The following ELP6 variants were observed in gnomAD, a reference collection of about 807,000 sequenced individuals.
ELP6 encodes elongator acetyltransferase complex subunit 6.
A neutral mutation model predicts 28.1 loss-of-function variants in ELP6; 23 were observed. The observed-to-expected ratio is 0.82, with a 90% CI of 0.59 to 1.16. The LOEUF (loss-of-function observed/expected upper bound fraction) is 1.16. Ranked by LOEUF, ELP6 falls within the 50% of genes most tolerant of loss-of-function variation. ELP6 has a pLI of 0.00. For missense variants in ELP6, 313 were observed against 334.6 expected, an observed-to-expected ratio of 0.94 and a Z score of 0.50; for synonymous variants, 132 against 135.8, an observed-to-expected ratio of 0.97 and a Z score of 0.19.
intron 1 of ELP6, 114 bp from the exon 2 acceptor site, chr3:47,511,340 T>C: frequency 6.9e-7 from 1 of 1,457,658 alleles, no homozygotes. Flanking sequence ...AGAGTTTATT[T>C]TTTTAATGAC....
At chr3:47,508,624 C>T (rs992444139) in intron 3 of ELP6, among the ~76,000 whole-genome samples, 7 of 152,144 alleles carry the variant, frequency 4.6e-5, no homozygotes, top group African/African-American at 1.7e-4. Context: ...AGCTGATTTT[C>T]AAATGTTGAA....
chr3:47,512,741 G>C (rs1709050550), intron 1 of ELP6: 1 of 963,020 alleles, frequency 1.0e-6, no homozygotes. Flanking sequence ...TTCTATTAGA[G>C]ATCACAAGGA....
chr3:47,497,417 ACCTCCGCCT>A (rs1004351161), intron 6 of ELP6: 1 of 855,388 alleles, frequency 1.2e-6, no homozygotes, highest in African/African-American at 1.8e-5. Context: ...GCTCACTGCA[ACCTCCGCCT>A]CCTGGGTTCA....
At chr3:47,511,321 T>C in intron 1 of ELP6, 95 bp from the exon 2 acceptor site, 1 of 1,498,262 alleles carries the variant, frequency 6.7e-7, no homozygotes, top group Admixed American at 2.1e-5. Context: ...CCTTAATTTC[T>C]CCACCTGAAG....
At chr3:47,511,337 A>AT (rs1304190707) in intron 1 of ELP6, 111 bp from the exon 2 acceptor site, 9 of 1,456,644 alleles carry the variant, frequency 6.2e-6, no homozygotes, top group Middle Eastern at 1.8e-4. Context: ...TGAAGAGTTT[A>AT]TTTTTTTAAT....
chr3:47,495,813 A>G lies in ELP6; in HGVS notation c.*256T>C. The G allele has an allele frequency of 2.1e-6, 1 of 466,102 alleles. No homozygotes were observed. The highest frequency in any genetic ancestry group is 2.5e-5 in the South Asian group (1 of 39,616). 28.9% of individuals were successfully genotyped at this position (466,102 alleles called of 1,614,324 possible). On this transcript the variant is annotated 3_prime_UTR_variant, in exon 7 of 7. Transcript: ENST00000296149. ...AGGCATATTTAAACAAAGGCTCCAA[A>G]GGACCCCTTTCACTTGGGTCTAGCA...
At chr3:47,500,939 G>C (rs960168026) in intron 5 of ELP6, among the ~76,000 whole-genome samples, 41 of 152,300 alleles carry the variant, frequency 2.7e-4, no homozygotes, top group Non-Finnish European at 5.1e-4. Flanking sequence ...ACACTGACAA[G>C]TGGCTACTGT....
At position 47,511,234 on chromosome 3, in the gene ELP6, T is replaced by C. The variant is rs1353718840; in HGVS notation, c.55-8A>G. On this transcript the variant is annotated splice_polypyrimidine_tract_variant and splice_region_variant and intron_variant, in intron 1 of 6. Transcript: ENST00000296149. ...GAGTAGAGTCAGTTTCCCCTAAAAG[T>C]TACAAGGAACACAAAAAGGTTAGAC... 6.2e-7 allele frequency: 1 copy of C among 1,613,648 alleles called. No individual in the cohort carries two copies. The highest frequency in any genetic ancestry group is 2.2e-5 in the East Asian group (1 of 44,882).
chr3:47,499,822 CA>C (rs1463300414), intron 5 of ELP6: 14 of 1,151,908 alleles, frequency 1.2e-5, no homozygotes, highest in Non-Finnish European at 1.5e-5. Flanking sequence ...GCTGTGGCCC[CA>C]GCTGGACTGC....
At chr3:47,500,045 T>C (rs994870469) in intron 5 of ELP6, 2 of 1,282,758 alleles carry the variant, frequency 1.6e-6, no homozygotes, top group African/African-American at 1.6e-5. Context: ...ATCCATGCTT[T>C]TGAGCAGAAA....
In ELP6 at chr3:47,498,408, C is replaced by T. The variant is rs757685072; in HGVS notation, c.550G>A (p.Asp184Asn). 6.8e-6 allele frequency: 11 copies of T among 1,613,028 alleles called. No homozygotes were observed. The highest frequency in any genetic ancestry group is 6.7e-5 in the Admixed American group (4 of 59,986). The change falls in exon 6 of 7, where the codon GAC becomes AAC. Residue 184 changes from aspartate to asparagine, a missense_variant. By Grantham distance (23) the Asp-to-Asn change is conservative (BLOSUM62 1). Coordinates refer to ENST00000296149, the MANE Select transcript of ELP6 (RefSeq NM_001031703.3). ...TCCTCATCCTCCGCATCTCCACTGT[C>T]GTGCACAAGGACCACCATGTTTCCC... ...LKGNMVVLVHDSGDAEDEEND... is the reference protein window; with the variant it reads ...LKGNMVVLVHNSGDAEDEEND...
At chr3:47,512,796 G>T in intron 1 of ELP6, 1 of 935,112 alleles carries the variant, frequency 1.1e-6, no homozygotes. Flanking sequence ...TGTGCCAATT[G>T]CTCCGGGGCG....
intron 3 of ELP6, among the ~76,000 whole-genome samples, chr3:47,508,088 T>C (rs1250611299): frequency 6.6e-6 from 1 of 152,230 alleles, no homozygotes; most frequent in African/African-American, 2.4e-5. Context: ...CCTGCCCCGA[T>C]GTCTAACACA....
chr3:47,501,566 G>A, intron 5 of ELP6, 84 bp downstream of exon 5: 1 of 1,389,898 alleles, frequency 7.2e-7, no homozygotes, highest in Non-Finnish European at 1.0e-6. Context: ...CAAATAAAAA[G>A]ATCACAGCAA....
At chr3:47,512,041 GC>G in intron 1 of ELP6, 1 of 985,368 alleles carries the variant, frequency 1.0e-6, no homozygotes, top group Non-Finnish European at 1.2e-6. Flanking sequence ...CTTTCACCTG[GC>G]CCTAGGCTGA....
At chr3:47,507,458 G>C (rs1019111703) in intron 3 of ELP6, among the ~76,000 whole-genome samples, 1 of 151,428 alleles carries the variant, frequency 6.6e-6, no homozygotes, top group African/African-American at 2.4e-5. Context: ...CAGGAATGGT[G>C]ATACATTCTA....
intron 5 of ELP6, chr3:47,500,015 C>T: frequency 7.7e-7 from 1 of 1,301,482 alleles, no homozygotes; most frequent in Non-Finnish European, 1.0e-6. Context: ...AAATATGTGG[C>T]TAGCTGGAGG....
Position 47,496,032 on chromosome 3 carries a change from AAC to A in ELP6, c.*35_*36del, listed in dbSNP as rs1369295861. On this transcript the variant is annotated 3_prime_UTR_variant, in exon 7 of 7. Transcript: ENST00000296149. The stretch of plus-strand genomic sequence containing the variant: ...TGTTGCTCTATCTTCCACGTCCAAA[AAC>A]AGTCCTATGTAGCTTCAGCTGCTCC... 1 of 1,613,124 alleles carries A rather than the reference AAC, an allele frequency of 6.2e-7. No homozygotes were observed. The highest frequency in any genetic ancestry group is 1.7e-5 in the Admixed American group (1 of 59,720).
chr3:47,504,731 G>T, intron 3 of ELP6: 1 of 790,964 alleles, frequency 1.3e-6, no homozygotes, highest in Non-Finnish European at 1.5e-6. Context: ...TGAGGCAGGT[G>T]GATCATTTGA....
Sources: gnomAD v4.1 joint callset for allele counts (sites outside exome capture counted in the v4.1 genomes callset) on GRCh38, gnomAD v4.1.1 for gene constraint, MANE v1.5 for transcripts, NCBI Gene and HGNC (gene_info 2026-07-23, HGNC 2026-07-21) for gene names.